Variants in PRRG1 observed in about 807,000 individuals in gnomAD.
PRRG1 encodes the protein transmembrane gamma-carboxyglutamic acid protein 1.
A neutral mutation model predicts 11.8 loss-of-function variants in PRRG1; 5 were observed. The observed-to-expected ratio is 0.42, with a 90% CI of 0.22 to 0.89. The LOEUF (loss-of-function observed/expected upper bound fraction) is 0.89, where lower values mean the gene tolerates loss of function less well. Ranked by LOEUF, PRRG1 falls within the 40% of genes least tolerant of loss-of-function variation. PRRG1 has a pLI of 0.28. For missense variants in PRRG1, 155 were observed against 166.1 expected (o/e 0.93, Z 0.37); for synonymous variants, 66 against 60.4 (o/e 1.09, Z -0.43).
chrX:37,434,111 C>T (rs1261786925), intron 3 of PRRG1, among the ~76,000 whole-genome samples: 1 of 112,253 alleles, frequency 8.9e-6, no homozygotes, highest in Non-Finnish European at 1.9e-5. Context: ...TTTTTGTTTA[C>T]TAAAATTTAT....
At chrX:37,436,782 A>G (rs1224326806) in intron 3 of PRRG1, among the ~76,000 whole-genome samples, 1 of 112,271 alleles carries the variant, frequency 8.9e-6, no homozygotes, top group Non-Finnish European at 1.9e-5. Context: ...GGCAAGAAAT[A>G]TAGGAGGCAA....
In PRRG1 at chrX:37,454,251, A is replaced by G. The variant is rs1450556639; in HGVS notation, c.*630A>G. ...TGCTTACAGCAGATAGCAATAAGGT[A>G]TTTGGTGGCATTCGGCTTGTTTTGT... On this transcript the variant is annotated 3_prime_UTR_variant, in exon 4 of 4. Transcript: ENST00000378628. 5.4e-5 allele frequency: 6 copies of G among 112,065 alleles called. No individual in the cohort carries two copies. The highest frequency in any genetic ancestry group is 1.9e-4 in the African/African-American group (6 of 30,845). 9.2% of individuals were successfully genotyped at this position (112,065 alleles called of 1,213,427 possible).
chrX:37,416,548 T>C (rs1462945924), intron 2 of PRRG1, among the ~76,000 whole-genome samples: 1 of 111,954 alleles, frequency 8.9e-6, no homozygotes, highest in Non-Finnish European at 1.9e-5. Flanking sequence ...AGACTACTGA[T>C]ATTGCTGCTG....
chrX:37,412,594 A>C (rs1556384132), intron 2 of PRRG1, among the ~76,000 whole-genome samples: 1 of 111,266 alleles, frequency 9.0e-6, no homozygotes. Context: ...TGATGTCAAT[A>C]ATTTATTATA....
chrX:37,389,386 A>G (rs1283301263), intron 1 of PRRG1, among the ~76,000 whole-genome samples: 2 of 111,882 alleles, frequency 1.8e-5, no homozygotes, highest in Non-Finnish European at 3.8e-5. Flanking sequence ...AAAGAAATAC[A>G]TGAGACTGGG....
intron 1 of PRRG1, among the ~76,000 whole-genome samples, chrX:37,384,087 T>C (rs1162885169): frequency 2.7e-5 from 3 of 110,773 alleles, no homozygotes; most frequent in Non-Finnish European, 5.7e-5. Flanking sequence ...AGTATATACT[T>C]ACTGGCCATT....
intron 1 of PRRG1, chrX:37,403,610 C>T (rs1932096987): frequency 3.2e-6 from 1 of 307,976 alleles, no homozygotes; most frequent in Non-Finnish European, 4.2e-6. Flanking sequence ...GCACATGTAC[C>T]CTAAAACTTA....
intron 1 of PRRG1, among the ~76,000 whole-genome samples, chrX:37,398,334 G>A (rs1274482616): frequency 8.9e-6 from 1 of 112,084 alleles, no homozygotes; most frequent in Non-Finnish European, 1.9e-5. Flanking sequence ...AGAATCCGCT[G>A]TTCTGCAGCC....
chrX:37,403,113 A>C (rs1411668996), intron 1 of PRRG1, among the ~76,000 whole-genome samples: 11 of 109,466 alleles, frequency 1.0e-4, no homozygotes, highest in African/African-American at 3.7e-4. Context: ...CATTTGACCC[A>C]GCCATCCCAT....
intron 2 of PRRG1, among the ~76,000 whole-genome samples, chrX:37,406,946 G>A (rs1932204222): frequency 8.9e-6 from 1 of 112,128 alleles, no homozygotes; most frequent in African/African-American, 3.2e-5. Context: ...TGCAAAGGTT[G>A]AGGACGGACT....
At chrX:37,435,843 A>G (rs1932879478) in intron 3 of PRRG1, among the ~76,000 whole-genome samples, 1 of 111,696 alleles carries the variant, frequency 9.0e-6, no homozygotes, top group South Asian at 3.8e-4. Context: ...AAAAACTAAT[A>G]TAATCTAAAA....
intron 1 of PRRG1, among the ~76,000 whole-genome samples, chrX:37,398,656 G>C (rs1189405625): frequency 4.4e-5 from 5 of 112,363 alleles, no homozygotes; most frequent in Non-Finnish European, 7.5e-5. Context: ...GTTGAGAGAA[G>C]ACGGCTTCAG....
intron 2 of PRRG1, among the ~76,000 whole-genome samples, chrX:37,420,862 A>C (rs1265875103): frequency 1.8e-5 from 2 of 109,747 alleles, no homozygotes; most frequent in African/African-American, 6.6e-5. Flanking sequence ...ACTCTGTCTC[A>C]GAAGTGAATA....
intron 2 of PRRG1, among the ~76,000 whole-genome samples, chrX:37,408,211 C>T (rs988276861): frequency 3.6e-5 from 4 of 111,255 alleles, no homozygotes; most frequent in African/African-American, 6.6e-5. Flanking sequence ...TTAGATAAAA[C>T]GACACAGATA....
At chrX:37,442,538 G>A (rs192416727) in intron 3 of PRRG1, among the ~76,000 whole-genome samples, 102 of 111,271 alleles carry the variant, frequency 9.2e-4, no homozygotes, top group Admixed American at 3.0e-3. Context: ...ATATGTGGGT[G>A]CATGTACATG....
chrX:37,452,058 C>T (rs981053996), intron 3 of PRRG1, among the ~76,000 whole-genome samples: 4 of 111,830 alleles, frequency 3.6e-5, no homozygotes, highest in East Asian at 2.8e-4. Context: ...GCAGACATTT[C>T]GAATCTTATC....
At chrX:37,351,504 A>AT (rs1379181708) in intron 1 of PRRG1, among the ~76,000 whole-genome samples, 1 of 111,576 alleles carries the variant, frequency 9.0e-6, no homozygotes, top group African/African-American at 3.3e-5. Flanking sequence ...CAAAAAAAAA[A>AT]AAAAGAAAGA....
intron 1 of PRRG1, among the ~76,000 whole-genome samples, chrX:37,393,669 C>T (rs1556377340): frequency 1.8e-5 from 2 of 111,800 alleles, no homozygotes; most frequent in African/African-American, 6.5e-5. Context: ...CTTTAAGTTA[C>T]TCTATTACCT....
chrX:37,426,148 T>G lies in PRRG1; in HGVS notation c.171+148T>G, dbSNP rs1932770046. 1.1e-5 allele frequency: 7 copies of G among 627,770 alleles called. No homozygotes were observed. In the South Asian group the frequency reaches 2.7e-4, roughly 25 times the overall value. The allele number at this position is 627,770 out of a possible 1,213,427, so 51.7% of individuals were successfully genotyped here. A position where few individuals can be genotyped will look rare whatever the true frequency, so the allele number is the denominator to read the frequency against. Reference sequence around the variant, plus strand: ...GAAAATGGCATCTAACTAGTAATATTCTGTGGGTTGGAGAGCTAGGTTCAC... The same window carrying G: ...GAAAATGGCATCTAACTAGTAATATGCTGTGGGTTGGAGAGCTAGGTTCAC... On this transcript the variant is annotated intron_variant, in intron 3 of 3. Coordinates refer to ENST00000378628, the MANE Select transcript of PRRG1 (RefSeq NM_001142395.2).
Sources: allele counts gnomAD v4.1 joint callset (sites outside exome capture counted in the v4.1 genomes callset), GRCh38; gene constraint gnomAD v4.1.1; transcripts MANE v1.5; gene names NCBI Gene and HGNC (gene_info 2026-07-23, HGNC 2026-07-21).